Variants in LINGO2 observed in about 807,000 individuals in gnomAD.
The protein encoded by LINGO2 is leucine rich repeat and Ig domain containing 2, also known as leucine-rich repeat and immunoglobulin-like domain-containing nogo receptor-interacting protein 2.
LINGO2 carries 14 observed loss-of-function variants against 30.6 expected under a neutral mutation model. The observed-to-expected ratio is 0.46, with a 90% CI of 0.30 to 0.72. The LOEUF (loss-of-function observed/expected upper bound fraction) is 0.72, where lower values mean the gene tolerates loss of function less well. Among genes scored for constraint, LINGO2 ranks in the 30% least tolerant of loss-of-function variants. LINGO2 has a pLI of 0.07. For missense variants in LINGO2, 729 were observed against 751.7 expected, an observed-to-expected ratio of 0.97 and a Z score of 0.35; for synonymous variants, 317 against 288.5, an observed-to-expected ratio of 1.10 and a Z score of -1.00.
intron 4 of LINGO2, among the ~76,000 whole-genome samples, chr9:28,140,226 G>C (rs1310403467): frequency 2.6e-5 from 4 of 152,174 alleles, no homozygotes; most frequent in South Asian, 2.1e-4. Flanking sequence ...TGAGGATTGA[G>C]GAAGCCAGGG....
At chr9:29,149,667 C>G in the LINGO2 span, among the ~76,000 whole-genome samples, 1 of 152,098 alleles carries the variant, frequency 6.6e-6, no homozygotes, top group Non-Finnish European at 1.5e-5. Context: ...ATCCTAGCTA[C>G]AGGAGATCCC....
chr9:28,486,105 A>G (rs1826154673), intron 1 of LINGO2, among the ~76,000 whole-genome samples: 3 of 152,084 alleles, frequency 2.0e-5, no homozygotes, highest in Non-Finnish European at 4.4e-5. Flanking sequence ...AAAGACATCA[A>G]TTTAGTATGG....
At chr9:29,140,584 G>T in the LINGO2 span, among the ~76,000 whole-genome samples, 29 of 150,844 alleles carry the variant, frequency 1.9e-4, no homozygotes, top group African/African-American at 6.8e-4. Context: ...CTCAGAAAGA[G>T]AAGGGAAAGG....
intron 4 of LINGO2, among the ~76,000 whole-genome samples, chr9:28,055,749 C>T (rs1824905607): frequency 6.6e-6 from 1 of 152,142 alleles, no homozygotes; most frequent in Admixed American, 6.6e-5. Flanking sequence ...ACAAGTCTCT[C>T]TTGGAAGTTT....
chr9:29,053,209 A>ATC, the LINGO2 span, among the ~76,000 whole-genome samples: 5 of 152,158 alleles, frequency 3.3e-5, no homozygotes, highest in African/African-American at 1.2e-4. Flanking sequence ...AAAAATGATA[A>ATC]TCTTAATACA....
intron 1 of LINGO2, among the ~76,000 whole-genome samples, chr9:28,563,592 A>ATGCT (rs904679001): frequency 3.3e-5 from 5 of 152,178 alleles, no homozygotes; most frequent in African/African-American, 1.2e-4. Flanking sequence ...AAAAGAACAA[A>ATGCT]TGCTTGATAG....
intron 4 of LINGO2, among the ~76,000 whole-genome samples, chr9:28,256,812 A>T (rs567512596): frequency 7.2e-5 from 11 of 152,068 alleles, no homozygotes; most frequent in Admixed American, 7.2e-4. Context: ...ACATACAAAG[A>T]AGTATAAAAA....
intron 1 of LINGO2, among the ~76,000 whole-genome samples, chr9:28,531,590 T>C (rs993596053): frequency 2.0e-5 from 3 of 152,192 alleles, no homozygotes; most frequent in African/African-American, 7.2e-5. Flanking sequence ...TCTATAGTTT[T>C]ATTTGACTCA....
the LINGO2 span, among the ~76,000 whole-genome samples, chr9:28,891,153 G>A: frequency 1.3e-5 from 2 of 151,954 alleles, no homozygotes; most frequent in Non-Finnish European, 1.5e-5. Context: ...AAGAAACAGA[G>A]GAGGAAATGT....
the LINGO2 span, among the ~76,000 whole-genome samples, chr9:29,128,415 T>A: frequency 3.9e-5 from 6 of 152,154 alleles, no homozygotes; most frequent in South Asian, 1.2e-3. Flanking sequence ...TTGACCCTGA[T>A]AACCTAAGGA....
the LINGO2 span, among the ~76,000 whole-genome samples, chr9:28,808,902 A>C: frequency 2.6e-5 from 4 of 152,216 alleles, no homozygotes; most frequent in African/African-American, 9.6e-5. Flanking sequence ...AAGAACAGAC[A>C]AAAGAAAAAC....
At chr9:29,024,401 C>G in the LINGO2 span, among the ~76,000 whole-genome samples, 1 of 152,104 alleles carries the variant, frequency 6.6e-6, no homozygotes, top group East Asian at 1.9e-4. Context: ...ATGGTAAAGG[C>G]TCAATAAAGG....
chr9:28,280,621 G>T (rs952108489), intron 4 of LINGO2, among the ~76,000 whole-genome samples: 11 of 152,044 alleles, frequency 7.2e-5, no homozygotes, highest in African/African-American at 2.2e-4. Flanking sequence ...TGGGGTAGAG[G>T]TAAAACATCT....
chr9:28,506,517 T>TATATATATATATAC (rs1820145296), intron 1 of LINGO2, among the ~76,000 whole-genome samples: 1 of 134,850 alleles, frequency 7.4e-6, no homozygotes, highest in Non-Finnish European at 1.6e-5. Context: ...TATATATATA[T>TATATATATATATAC]ATATAAACTG....
chr9:29,088,581 T>C, the LINGO2 span, among the ~76,000 whole-genome samples: 10 of 152,168 alleles, frequency 6.6e-5, no homozygotes, highest in Non-Finnish European at 1.5e-4. Context: ...TGGAATGGTG[T>C]TAGGAAATAT....
In LINGO2 at chr9:28,581,653, C is replaced by A. The variant is rs117657421; in HGVS notation, c.-365+88547G>T. ...TGCCTTATATGTTCAAAAATAGATTCTTGTGAATAGATGCTGATTATAATG... is the reference window on the plus strand; with the variant it reads ...TGCCTTATATGTTCAAAAATAGATTATTGTGAATAGATGCTGATTATAATG... On this transcript the variant is annotated intron_variant, in intron 1 of 5. Transcript: ENST00000379992. 9.0e-4 allele frequency among the ~76,000 whole-genome samples: 136 copies of A among 151,596 alleles called. No homozygotes were observed. In the East Asian group the frequency reaches 0.026, roughly 29 times the overall value.
chr9:28,847,196 T>C, the LINGO2 span, among the ~76,000 whole-genome samples: 3 of 148,548 alleles, frequency 2.0e-5, no homozygotes, highest in African/African-American at 5.0e-5. Context: ...TCTGACCCAT[T>C]TTTGGCCCCT....
the LINGO2 span, among the ~76,000 whole-genome samples, chr9:29,005,971 G>A: frequency 1.3e-5 from 2 of 151,844 alleles, no homozygotes; most frequent in African/African-American, 4.8e-5. Flanking sequence ...ATAGCTGACT[G>A]TAATCAATTT....
At chr9:28,334,690 G>A (rs996469163) in intron 3 of LINGO2, among the ~76,000 whole-genome samples, 4 of 152,102 alleles carry the variant, frequency 2.6e-5, no homozygotes, top group African/African-American at 7.2e-5. Flanking sequence ...TGAAACAGTG[G>A]CAACATTAAA....
Sources: gnomAD v4.1 joint callset for allele counts (sites outside exome capture counted in the v4.1 genomes callset) on GRCh38, gnomAD v4.1.1 for gene constraint, MANE v1.5 for transcripts, NCBI Gene and HGNC (gene_info 2026-07-23, HGNC 2026-07-21) for gene names.